The following ZNF592 variants were observed in gnomAD, a reference collection of about 807,000 sequenced individuals.
ZNF592 encodes the protein spinocerebellar ataxia, autosomal recessive 5.
Under a neutral mutation model 80.3 loss-of-function variants are expected in ZNF592, and 11 were observed. The ratio of observed to expected loss-of-function variants is 0.14; its 90% CI spans 0.09 to 0.23. The LOEUF (loss-of-function observed/expected upper bound fraction) is 0.23. ZNF592 is among the 10% of genes least tolerant of loss of function. The probability of loss-of-function intolerance (pLI) is 1.00; values close to 1 mark genes in which losing one functional copy is unlikely to be tolerated. For synonymous variants in ZNF592, 646 were observed against 640.3 expected (o/e 1.01, Z -0.13); for missense variants, 1,420 against 1,633.9 (o/e 0.87, Z 2.26).
chr15:84,757,461 T>G (rs987977992), intron 1 of ZNF592, among the ~76,000 whole-genome samples: 48 of 151,258 alleles, frequency 3.2e-4, no homozygotes, highest in Non-Finnish European at 5.5e-4. Context: ...TCCTTACACC[T>G]CAGCCTCCAG....
At chr15:84,769,242 G>C (rs1335807088) in intron 2 of ZNF592, among the ~76,000 whole-genome samples, 1 of 152,090 alleles carries the variant, frequency 6.6e-6, no homozygotes, top group Non-Finnish European at 1.5e-5. Flanking sequence ...TGCCTGGCCT[G>C]TTCCTTCTTT....
chr15:84,790,620 T>C (rs1962719146), intron 4 of ZNF592, 85 bp from the exon 5 acceptor site: 4 of 1,402,478 alleles, frequency 2.9e-6, no homozygotes, highest in Non-Finnish European at 3.0e-6. Flanking sequence ...TTCTGACCCA[T>C]GTACTAGCAA....
In ZNF592 at chr15:84,784,419, G is replaced by T. The variant is rs1298102350; in HGVS notation, c.1744G>T (p.Val582Leu). ...LSPPADSRIHVPASGYCCLEC... is the reference protein window; with the variant it reads ...LSPPADSRIHLPASGYCCLEC... ...CCCGCCTGCGGACAGCAGGATCCACGTGCCGGCCAGTGGGTACTGCTGCCT... is the reference window on the plus strand; with the variant it reads ...CCCGCCTGCGGACAGCAGGATCCACTTGCCGGCCAGTGGGTACTGCTGCCT... Residue 582 changes from valine to leucine, a missense_variant, in exon 4 of 11, where the codon GTG (valine) becomes TTG (leucine). Val to Leu is a conservative substitution (Grantham distance 32). Around this residue, in one of 7 missense-constraint regions of ZNF592, gnomAD observed 524 missense variants for 628.3 expected, o/e 0.83. Transcript: ENST00000560079. This position sits in a 1 kb window ranked among gnomAD's most constrained non-coding sequence, Gnocchi z 5.8. The T allele has an allele frequency of 6.2e-7, 1 of 1,614,054 alleles. No homozygotes were observed. Among genetic ancestry groups the T allele is most frequent in the Non-Finnish European group, 8.5e-7 (1 of 1,180,046 alleles).
At chr15:84,759,176 A>G (rs1899270894) in intron 1 of ZNF592, among the ~76,000 whole-genome samples, 1 of 152,158 alleles carries the variant, frequency 6.6e-6, no homozygotes, top group Non-Finnish European at 1.5e-5. Flanking sequence ...GTAGAGCATA[A>G]AAGAATCATG....
chr15:84,799,957 C>T lies in ZNF592; in HGVS notation c.3253C>T (p.Pro1085Ser), dbSNP rs1436922997. The change falls in exon 10 of 11, where the codon CCG becomes TCG. Residue 1085 changes from proline (P) to serine (S), a missense_variant. Pro to Ser is a moderately conservative substitution (Grantham distance 74). Transcript: ENST00000560079. This position sits in a 1 kb window ranked among gnomAD's most constrained non-coding sequence, Gnocchi z 4.2. ...GAGCCAGACGTCCAAAGTGAAACCT[C>T]CGGGTGGACATTCCCCTCAGGTGAG... is the stretch of plus-strand genomic sequence containing the variant. ...DLSQTSKVKP[P>S]GGHSPQVNHL... The T allele has an allele frequency of 1.9e-6, 3 of 1,614,214 alleles. No individual in the cohort carries two copies. The highest frequency in any genetic ancestry group is 3.3e-5 in the Admixed American group (2 of 60,032).
At chr15:84,760,895 A>G (rs979461682) in intron 1 of ZNF592, among the ~76,000 whole-genome samples, 1 of 152,154 alleles carries the variant, frequency 6.6e-6, no homozygotes, top group Middle Eastern at 3.2e-3. Context: ...CCCTGGTCTT[A>G]GGCCTAGATT....
intron 4 of ZNF592, among the ~76,000 whole-genome samples, chr15:84,785,774 T>G (rs950117482): frequency 2.6e-5 from 4 of 151,944 alleles, no homozygotes; most frequent in African/African-American, 9.7e-5. Context: ...TTATGGAGCC[T>G]CCTTCTTTCA....
chr15:84,797,893 C>G lies in ZNF592; in HGVS notation c.2424C>G (p.His808Gln), dbSNP rs1380386332. Residue 808 changes from histidine to glutamine, a missense_variant, in exon 6 of 11, where the codon CAC (histidine) becomes CAG (glutamine). This residue lies in a region of ZNF592 where 13 missense variants were observed against 42.3 expected (regional missense o/e 0.31). Coordinates refer to ENST00000560079, the MANE Select transcript of ZNF592 (RefSeq NM_014630.3). ...GGTGCATCCACTGTGGTGTCGTCCACCTGACCTTGGCCTTGCTGAAAAGCC... is the reference window on the plus strand; with the variant it reads ...GGTGCATCCACTGTGGTGTCGTCCAGCTGACCTTGGCCTTGCTGAAAAGCC... ...GYRCIHCGVVHLTLALLKSHI... is the reference protein window; with the variant it reads ...GYRCIHCGVVQLTLALLKSHI... 6.2e-7 allele frequency: 1 copy of G among 1,614,238 alleles called. No individual in the cohort carries two copies.
At chr15:84,760,298 C>T (rs1899312177) in intron 1 of ZNF592, among the ~76,000 whole-genome samples, 1 of 152,086 alleles carries the variant, frequency 6.6e-6, no homozygotes, top group South Asian at 2.1e-4. Context: ...TGCTTCAGGG[C>T]CTTTCTCTTC....
chr15:84,801,977 A>G lies in ZNF592; in HGVS notation c.3388A>G (p.Ser1130Gly). 5 of 1,613,956 alleles carry G rather than the reference A, an allele frequency of 3.1e-6. No homozygotes were observed. Among genetic ancestry groups the G allele is most frequent in the Non-Finnish European group, 4.2e-6 (5 of 1,179,872 alleles). ...GTCCCTTTTTCAGTGCGCGAAATGT[A>G]GTTTTGCCACAGACTCGGGGCTCGA... ...HKSLFQCAKC[S>G]FATDSGLEFQ... is the part of the protein sequence containing the mutation. Residue 1130 changes from serine (S) to glycine (G), a missense_variant, in exon 11 of 11, where the codon AGT becomes GGT. This residue lies in a region of ZNF592 where 145 missense variants were observed against 211.9 expected (regional missense o/e 0.68). Transcript: ENST00000560079.
At chr15:84,797,528 C>A (rs535475780) in intron 5 of ZNF592, among the ~76,000 whole-genome samples, 130 of 152,290 alleles carry the variant, frequency 8.5e-4, no homozygotes, top group African/African-American at 2.8e-3. Flanking sequence ...ATTATTGAAC[C>A]ATTTTCTTCC....
chr15:84,757,660 ATCT>A (rs1198337044), intron 1 of ZNF592, among the ~76,000 whole-genome samples: 1 of 142,916 alleles, frequency 7.0e-6, no homozygotes, highest in African/African-American at 2.6e-5. Flanking sequence ...GCTGCCATTA[ATCT>A]TTTTTTTTTT....
intron 1 of ZNF592, among the ~76,000 whole-genome samples, chr15:84,748,908 C>G (rs1898929489): frequency 6.7e-6 from 1 of 149,754 alleles, no homozygotes; most frequent in Non-Finnish European, 1.5e-5. Flanking sequence ...GCCGCTGCGA[C>G]CGCCGCTGCG....
rs1314559313 is a variant in ZNF592, at chr15:84,804,834, T to A, written c.*2441T>A. ...TTAAGCCCTCCTTGTGTGCCTAGCA[T>A]CTTACTGAACACTTTCTGGTGATTC... is the stretch of plus-strand genomic sequence containing the variant. On this transcript the variant is annotated 3_prime_UTR_variant, in exon 11 of 11. Transcript: ENST00000560079. 1 of 152,178 alleles carries A rather than the reference T, an allele frequency of 6.6e-6. No homozygotes were observed. The highest frequency in any genetic ancestry group is 1.5e-5 in the Non-Finnish European group (1 of 68,028). 9.4% of individuals were successfully genotyped at this position (152,178 alleles called of 1,614,324 possible).
rs1386260588 is a variant in ZNF592 at position 84,752,562 on chromosome 15, C to T, written c.-259+3898C>T. Among the ~76,000 whole-genome samples the T allele has an allele frequency of 2.6e-5, 4 of 152,150 alleles. No individual in the cohort carries two copies. The South Asian group carries it at 8.3e-4, about 32-fold the overall frequency. On this transcript the variant is annotated intron_variant, in intron 1 of 10. Transcript: ENST00000560079. Reference sequence around the variant, plus strand: ...TATGAAAGCATGGAGCCATGGTAGCCCCCAGTGTTTGGGGATGAGGCTGGA... The same window carrying T: ...TATGAAAGCATGGAGCCATGGTAGCTCCCAGTGTTTGGGGATGAGGCTGGA...
chr15:84,771,726 CTT>C (rs1411278720), intron 2 of ZNF592, among the ~76,000 whole-genome samples: 3 of 152,112 alleles, frequency 2.0e-5, no homozygotes, highest in Non-Finnish European at 4.4e-5. Flanking sequence ...CTGAGAATCT[CTT>C]TGGGCCATTT....
chr15:84,751,731 C>A (rs952043591), intron 1 of ZNF592, among the ~76,000 whole-genome samples: 10 of 151,820 alleles, frequency 6.6e-5, no homozygotes, highest in African/African-American at 2.4e-4. Context: ...ATGGCGAAAC[C>A]CTGTCTCTAC....
Position 84,783,023 on chromosome 15 carries a change from T to C in ZNF592, c.348T>C (p.Asn116=). Residue 116 remains asparagine (N), a synonymous_variant, in exon 4 of 11, where the codon AAT becomes AAC. Coordinates refer to ENST00000560079, the MANE Select transcript of ZNF592 (RefSeq NM_014630.3). This position sits in a 1 kb window ranked among gnomAD's most constrained non-coding sequence, Gnocchi z 5.0. ...NCGKFDSTFM[N]GDSARSFPGK... ...GGAAATTTGATTCTACTTTTATGAA[T>C]GGAGACAGTGCCAGGAGTTTCCCTG... 1 of 1,614,170 alleles carries C rather than the reference T, an allele frequency of 6.2e-7. No individual in the cohort carries two copies. Among genetic ancestry groups the C allele is most frequent in the South Asian group, 1.1e-5 (1 of 91,076 alleles).
intron 5 of ZNF592, among the ~76,000 whole-genome samples, chr15:84,793,396 C>T (rs191460695): frequency 2.6e-5 from 4 of 152,230 alleles, no homozygotes; most frequent in East Asian, 3.9e-4. Context: ...TTTAATTGTA[C>T]GGATGGATTA....
Sources: allele counts gnomAD v4.1 joint callset (sites outside exome capture counted in the v4.1 genomes callset), GRCh38; gene constraint gnomAD v4.1.1; regional missense constraint gnomAD v4.1.1; non-coding constraint Gnocchi (gnomAD v3.1); transcripts MANE v1.5; gene names NCBI Gene and HGNC (gene_info 2026-07-23, HGNC 2026-07-21).